Variants in STK33 observed in about 807,000 individuals in gnomAD.
The protein encoded by STK33 is serine/threonine-protein kinase 33.
In STK33, 52 loss-of-function variants were observed where a neutral mutation model predicts 58.0. That is an observed-to-expected ratio of 0.90 (90% CI 0.72 to 1.13). The LOEUF (loss-of-function observed/expected upper bound fraction) is 1.13. Ranked by LOEUF, STK33 falls within the 50% of genes most tolerant of loss-of-function variation. The pLI is 0.00. For missense variants in STK33, 630 were observed against 604.2 expected, an observed-to-expected ratio of 1.04 and a Z score of -0.45; for synonymous variants, 215 against 200.1, an observed-to-expected ratio of 1.07 and a Z score of -0.63.
At chr11:8,558,078 A>T (rs1310004672) in intron 1 of STK33, among the ~76,000 whole-genome samples, 1 of 152,216 alleles carries the variant, frequency 6.6e-6, no homozygotes, top group African/African-American at 2.4e-5. Flanking sequence ...CCAACAAGGA[A>T]CTAGAGAAGT....
intron 1 of STK33, among the ~76,000 whole-genome samples, chr11:8,535,641 T>C (rs1331892642): frequency 2.0e-5 from 3 of 152,162 alleles, no homozygotes; most frequent in Non-Finnish European, 4.4e-5. Flanking sequence ...GGTGGGAATG[T>C]AAACTAGTAC....
rs989946123 is a variant in STK33 at position 8,589,972 on chromosome 11, C to T, written c.-466+4111G>A. Among the ~76,000 whole-genome samples, 2 of 152,112 alleles carry T rather than the reference C, an allele frequency of 1.3e-5. 1 individual carries two copies. The highest frequency in any genetic ancestry group is 4.8e-5 in the African/African-American group (2 of 41,424). On this transcript the variant is annotated intron_variant, in intron 1 of 15. Transcript: ENST00000687296. Reference sequence around the variant, plus strand: ...CTCCTTAGAGCAAAGATAAGAGCCTCGATGTTAGATTTGCTAGCAGCAAAC... The same window carrying T: ...CTCCTTAGAGCAAAGATAAGAGCCTTGATGTTAGATTTGCTAGCAGCAAAC...
At chr11:8,462,013 AT>A (rs1222403686) in intron 7 of STK33, 104 bp from the exon 8 acceptor site, 31 of 757,608 alleles carry the variant, frequency 4.1e-5, no homozygotes, top group Non-Finnish European at 2.4e-5. Context: ...CTGTAACTTC[AT>A]ATTTGAAGTG....
intron 1 of STK33, among the ~76,000 whole-genome samples, chr11:8,537,626 G>A (rs1955140435): frequency 6.6e-6 from 1 of 151,916 alleles, no homozygotes; most frequent in African/African-American, 2.4e-5. Context: ...ATGGACATGT[G>A]CCAAGCGCTG....
At chr11:8,535,476 G>A (rs1188536871) in intron 1 of STK33, among the ~76,000 whole-genome samples, 1 of 151,976 alleles carries the variant, frequency 6.6e-6, no homozygotes, top group Non-Finnish European at 1.5e-5. Context: ...GCCAACACAT[G>A]TGAAAAAAAT....
intron 12 of STK33, among the ~76,000 whole-genome samples, chr11:8,440,074 G>A (rs1401121402): frequency 6.6e-6 from 1 of 151,574 alleles, no homozygotes; most frequent in Non-Finnish European, 1.5e-5. Context: ...AAAAGATACA[G>A]GTGAAGAGAA....
Position 8,582,428 on chromosome 11 carries a change from G to A in STK33, c.-466+11655C>T, listed in dbSNP as rs545580770. Among the ~76,000 whole-genome samples the A allele has an allele frequency of 4.6e-5, 7 of 152,306 alleles. No homozygotes were observed. In the South Asian group the frequency reaches 1.5e-3, roughly 32 times the overall value. ...ATTGACTCACAGTTCAGCATGGCTT[G>A]GGAGGCCTCAGGAAACTTACAATCA... On this transcript the variant is annotated intron_variant, in intron 1 of 15. Transcript: ENST00000687296.
At chr11:8,339,984 G>A in the STK33 span, among the ~76,000 whole-genome samples, 6 of 152,344 alleles carry the variant, frequency 3.9e-5, no homozygotes, top group East Asian at 1.2e-3. Context: ...AGGGCACAGC[G>A]TCTTTTGCGC....
chr11:8,462,442 T>C (rs10797235), intron 7 of STK33, among the ~76,000 whole-genome samples: 54,890 of 127,940 alleles, frequency 0.43, 11,298 homozygotes, highest in South Asian at 0.58. Flanking sequence ...TATACATATA[T>C]ACACACACAC....
At chr11:8,437,790 A>G (rs545603019) in intron 12 of STK33, among the ~76,000 whole-genome samples, 36 of 152,278 alleles carry the variant, frequency 2.4e-4, no homozygotes, top group African/African-American at 8.4e-4. Context: ...ATCAAACTAG[A>G]CCAGACAATA....
intron 1 of STK33, among the ~76,000 whole-genome samples, chr11:8,516,388 T>C (rs1952783991): frequency 6.6e-6 from 1 of 152,196 alleles, no homozygotes; most frequent in African/African-American, 2.4e-5. Flanking sequence ...GATTCCTAGA[T>C]GGCCGAATAG....
At chr11:8,363,554 T>C in the STK33 span, among the ~76,000 whole-genome samples, 1 of 152,178 alleles carries the variant, frequency 6.6e-6, no homozygotes, top group Admixed American at 6.5e-5. Flanking sequence ...ATAAAGTTTG[T>C]ACTTGTGTTT....
At chr11:8,396,643 G>A (rs1340491587) in intron 15 of STK33, among the ~76,000 whole-genome samples, 3 of 152,190 alleles carry the variant, frequency 2.0e-5, no homozygotes, top group African/African-American at 4.8e-5. Flanking sequence ...CGCACCGAAC[G>A]TGAGCCGAAG....
intron 1 of STK33, among the ~76,000 whole-genome samples, chr11:8,566,498 G>C (rs748233692): frequency 6.6e-6 from 1 of 152,194 alleles, no homozygotes; most frequent in Non-Finnish European, 1.5e-5. Flanking sequence ...TGTTTAATGT[G>C]TGGTTCATTT....
intron 1 of STK33, among the ~76,000 whole-genome samples, chr11:8,542,298 A>G (rs1043065975): frequency 3.9e-5 from 6 of 152,258 alleles, no homozygotes; most frequent in Non-Finnish European, 8.8e-5. Context: ...CAGATAGGGC[A>G]CTGACCAGGA....
the STK33 span, among the ~76,000 whole-genome samples, chr11:8,349,744 T>C: frequency 6.6e-6 from 1 of 152,208 alleles, no homozygotes; most frequent in Non-Finnish European, 1.5e-5. Context: ...GAGCTCCCCA[T>C]GCAGGATGAG....
intron 1 of STK33, among the ~76,000 whole-genome samples, chr11:8,546,861 T>C (rs917758632): frequency 6.6e-6 from 1 of 152,236 alleles, no homozygotes; most frequent in African/African-American, 2.4e-5. Context: ...TGATTCCATA[T>C]CTTGGCTACT....
intron 1 of STK33, among the ~76,000 whole-genome samples, chr11:8,564,995 C>A (rs1034124289): frequency 2.0e-5 from 3 of 152,154 alleles, no homozygotes; most frequent in Admixed American, 1.3e-4. Context: ...CACTGACAGA[C>A]CAAATTAGTG....
intron 14 of STK33, among the ~76,000 whole-genome samples, chr11:8,414,913 T>C (rs1219881179): frequency 6.6e-6 from 1 of 152,102 alleles, no homozygotes; most frequent in Non-Finnish European, 1.5e-5. Context: ...CTGTCAGATA[T>C]CCCAGAATTC....
Sources: gnomAD v4.1 joint callset for allele counts (sites outside exome capture counted in the v4.1 genomes callset) on GRCh38, gnomAD v4.1.1 for gene constraint, MANE v1.5 for transcripts, NCBI Gene and HGNC (gene_info 2026-07-23, HGNC 2026-07-21) for gene names.